The following ISM2 variants were observed in gnomAD, a reference collection of about 807,000 sequenced individuals.
The protein encoded by ISM2 is isthmin 2, also known as isthmin-2.
ISM2 carries 50 observed loss-of-function variants against 58.0 expected under a neutral mutation model. That is an observed-to-expected ratio of 0.86 (90% CI 0.69 to 1.09). The LOEUF is 1.09. Among genes scored for constraint, ISM2 ranks in the 50% least tolerant of loss-of-function variants. The pLI is 0.00. For synonymous variants in ISM2, 303 were observed against 312.4 expected (o/e 0.97, Z 0.32); for missense variants, 723 against 745.0 (o/e 0.97, Z 0.34).
intron 1 of ISM2, among the ~76,000 whole-genome samples, chr14:77,497,737 A>AGTAG (rs1362695727): frequency 0.15 from 6,993 of 45,820 alleles, 1,856 homozygotes; most frequent in East Asian, 0.53. Flanking sequence ...GTAGGAAGGA[A>AGTAG]GGAGGGAGGG....
intron 6 of ISM2, among the ~76,000 whole-genome samples, chr14:77,477,305 C>T (rs2079104503): frequency 6.6e-6 from 1 of 152,262 alleles, no homozygotes; most frequent in South Asian, 2.1e-4. Context: ...CTTCTGTGCC[C>T]TCATCCTAAT....
Sources: gnomAD v4.1 joint callset for allele counts (sites outside exome capture counted in the v4.1 genomes callset) on GRCh38, gnomAD v4.1.1 for gene constraint, MANE v1.5 for transcripts, NCBI Gene and HGNC (gene_info 2026-07-23, HGNC 2026-07-21) for gene names.